The following CTNNA3 variants were observed in gnomAD, a reference collection of about 807,000 sequenced individuals.
CTNNA3 encodes the protein catenin alpha-3.
A neutral mutation model predicts 95.7 loss-of-function variants in CTNNA3; 76 were observed. The ratio of observed to expected loss-of-function variants is 0.79; its 90% confidence interval spans 0.66 to 0.96. CTNNA3 has a LOEUF of 0.96. CTNNA3 is among the 40% of genes least tolerant of loss of function. The pLI, the probability that CTNNA3 is intolerant of heterozygous loss-of-function variation, is 0.00. For synonymous variants in CTNNA3, 431 were observed against 374.4 expected, an observed-to-expected ratio of 1.15 and a Z score of -1.74; for missense variants, 1,191 against 1,089.8, an observed-to-expected ratio of 1.09 and a Z score of -1.31.
chr10:66,834,449 T>C (rs1032821899), intron 7 of CTNNA3, among the ~76,000 whole-genome samples: 2 of 152,240 alleles, frequency 1.3e-5, no homozygotes, highest in African/African-American at 2.4e-5. Context: ...AATAGTTATA[T>C]GAAATAAACA....
intron 13 of CTNNA3, among the ~76,000 whole-genome samples, chr10:66,200,066 CAAAG>C (rs1050448412): frequency 3.3e-5 from 5 of 151,138 alleles, no homozygotes; most frequent in Admixed American, 6.6e-5. Flanking sequence ...TTTTAAGTGA[CAAAG>C]AAGCACATGT....
intron 1 of CTNNA3, among the ~76,000 whole-genome samples, chr10:67,751,376 T>A (rs1841406361): frequency 6.6e-6 from 1 of 152,224 alleles, no homozygotes; most frequent in African/African-American, 2.4e-5. Context: ...GGTGCTGTTT[T>A]AGACATTTAT....
chr10:66,177,490 GA>G (rs1410683268), intron 13 of CTNNA3, among the ~76,000 whole-genome samples: 2 of 150,712 alleles, frequency 1.3e-5, no homozygotes, highest in Admixed American at 1.3e-4. Flanking sequence ...TCACAATTTT[GA>G]AAAAAAAGAG....
intron 10 of CTNNA3, among the ~76,000 whole-genome samples, chr10:66,562,782 A>G (rs1404559341): frequency 6.6e-6 from 1 of 151,886 alleles, no homozygotes; most frequent in Non-Finnish European, 1.5e-5. Flanking sequence ...ATAAAATAAT[A>G]CTTTTAAGTA....
chr10:66,379,922 C>T (rs188576605), intron 11 of CTNNA3, among the ~76,000 whole-genome samples: 1 of 152,072 alleles, frequency 6.6e-6, no homozygotes, highest in Non-Finnish European at 1.5e-5. Flanking sequence ...ATGATTAATA[C>T]TCCCAGCTAA....
chr10:66,502,522 C>A (rs1840312018), intron 11 of CTNNA3, among the ~76,000 whole-genome samples: 1 of 152,048 alleles, frequency 6.6e-6, no homozygotes, highest in Non-Finnish European at 1.5e-5. Context: ...TATATGAACT[C>A]TTCCTCAGTC....
At chr10:66,905,402 G>A (rs1389562265) in intron 7 of CTNNA3, among the ~76,000 whole-genome samples, 2 of 152,118 alleles carry the variant, frequency 1.3e-5, no homozygotes, top group Non-Finnish European at 2.9e-5. Flanking sequence ...GATAGCATTA[G>A]GCGAAATACC....
chr10:67,657,847 C>CAAAAAA (rs200763142), intron 1 of CTNNA3, among the ~76,000 whole-genome samples: 11 of 40,104 alleles, frequency 2.7e-4, no homozygotes, highest in South Asian at 6.2e-4. Context: ...AATTCCATCT[C>CAAAAAA]AAAAAAAAAA....
intron 1 of CTNNA3, among the ~76,000 whole-genome samples, chr10:67,685,279 T>C (rs1265812940): frequency 6.6e-6 from 1 of 152,188 alleles, no homozygotes; most frequent in Non-Finnish European, 1.5e-5. Context: ...TAACTTAGAA[T>C]TGGTATAGAT....
chr10:66,454,831 A>C, intron 11 of CTNNA3, among the ~76,000 whole-genome samples: 1 of 104,150 alleles, frequency 9.6e-6, no homozygotes, highest in Non-Finnish European at 2.0e-5. Context: ...GAGGAGGGGG[A>C]GGAGGGGAAG....
intron 12 of CTNNA3, among the ~76,000 whole-genome samples, chr10:66,374,959 G>A (rs902292314): frequency 6.6e-6 from 1 of 152,002 alleles, no homozygotes; most frequent in African/African-American, 2.4e-5. Flanking sequence ...AGTTCATCAA[G>A]AGCATATACT....
intron 11 of CTNNA3, among the ~76,000 whole-genome samples, chr10:66,474,514 A>G (rs138873831): frequency 1.1e-4 from 16 of 152,170 alleles, no homozygotes; most frequent in African/African-American, 3.9e-4. Context: ...TAAACATGGG[A>G]GTGCAGATAT....
intron 5 of CTNNA3, among the ~76,000 whole-genome samples, chr10:67,231,447 G>C (rs984358922): frequency 2.6e-5 from 4 of 152,120 alleles, no homozygotes; most frequent in African/African-American, 9.7e-5. Flanking sequence ...TACTCCAACA[G>C]ACCTGCAGCT....
chr10:66,554,523 C>T (rs889054938), intron 10 of CTNNA3, among the ~76,000 whole-genome samples: 1 of 152,106 alleles, frequency 6.6e-6, no homozygotes, highest in Non-Finnish European at 1.5e-5. Context: ...AGCTGTTACT[C>T]TTTCTTTTGC....
chr10:66,885,795 T>C (rs1374662436), intron 7 of CTNNA3, among the ~76,000 whole-genome samples: 4 of 152,110 alleles, frequency 2.6e-5, no homozygotes, highest in Admixed American at 1.3e-4. Context: ...AAGAAAATAA[T>C]TTGAGAAAAT....
At chr10:66,419,212 T>C (rs1272381597) in intron 11 of CTNNA3, among the ~76,000 whole-genome samples, 1 of 152,072 alleles carries the variant, frequency 6.6e-6, no homozygotes, top group African/African-American at 2.4e-5. Flanking sequence ...TAAAGTAGTA[T>C]TTCTATACAC....
intron 12 of CTNNA3, among the ~76,000 whole-genome samples, chr10:66,346,234 TATATATATATATAGAGAG>T (rs745512830): frequency 0.023 from 1,065 of 45,896 alleles, 2 homozygotes; most frequent in South Asian, 0.036. Context: ...TATATATATA[TATATATATATATAGAGAG>T]AGAGAGAGAG....
intron 7 of CTNNA3, among the ~76,000 whole-genome samples, chr10:67,172,102 T>C (rs1381576158): frequency 6.6e-6 from 1 of 152,234 alleles, no homozygotes; most frequent in Non-Finnish European, 1.5e-5. Flanking sequence ...TACCCCTTTC[T>C]GGAATTCCCA....
At chr10:66,107,282 G>A (rs916536980) in intron 13 of CTNNA3, among the ~76,000 whole-genome samples, 1 of 152,040 alleles carries the variant, frequency 6.6e-6, no homozygotes, top group African/African-American at 2.4e-5. Flanking sequence ...GCTTATTATG[G>A]TGTCTTCCTT....
Sources: allele counts gnomAD v4.1 joint callset (sites outside exome capture counted in the v4.1 genomes callset), GRCh38; gene constraint gnomAD v4.1.1; transcripts MANE v1.5; gene names NCBI Gene and HGNC (gene_info 2026-07-23, HGNC 2026-07-21).